RYR3: variants seen among roughly 807,000 people sequenced by gnomAD.
The protein encoded by RYR3 is ryanodine receptor 3.
Under a neutral mutation model 584.3 loss-of-function variants are expected in RYR3, and 207 were observed. The ratio of observed to expected loss-of-function variants is 0.35; its 90% CI spans 0.32 to 0.40. The LOEUF is 0.40. RYR3 is among the 10% of genes least tolerant of loss of function. The pLI, the probability that RYR3 is intolerant of heterozygous loss-of-function variation, is 1.00. For synonymous variants in RYR3, 2,416 were observed against 2,248.5 expected (o/e 1.07, Z -2.11); for missense variants, 5,616 against 6,089.2 (o/e 0.92, Z 2.59).
chr15:33,847,536 T>G (rs1367991162), intron 93 of RYR3: 4 of 152,230 alleles, frequency 2.6e-5, no homozygotes, highest in Non-Finnish European at 5.9e-5. Context: ...TCTGGCCTCA[T>G]TAACTGTCCC....
chr15:33,585,726 A>C (rs2058814758), intron 15 of RYR3, among the ~76,000 whole-genome samples: 1 of 152,222 alleles, frequency 6.6e-6, no homozygotes, highest in African/African-American at 2.4e-5. Context: ...GTATTTTGAC[A>C]CACAAAGATC....
At chr15:33,349,737 CT>C (rs1414890566) in intron 1 of RYR3, among the ~76,000 whole-genome samples, 27 of 102,558 alleles carry the variant, frequency 2.6e-4, no homozygotes, top group African/African-American at 8.5e-4. Flanking sequence ...AATGCTATCC[CT>C]CCCCCCTCCC....
At chr15:33,715,127 C>A (rs190680067) in intron 43 of RYR3, among the ~76,000 whole-genome samples, 64 of 152,310 alleles carry the variant, frequency 4.2e-4, no homozygotes, top group African/African-American at 1.5e-3. Context: ...GGGAGACATA[C>A]ATCTTTTAGG....
chr15:33,435,446 T>G (rs1170513663), intron 1 of RYR3, among the ~76,000 whole-genome samples: 1 of 152,234 alleles, frequency 6.6e-6, no homozygotes, highest in East Asian at 1.9e-4. Flanking sequence ...GTGTATAGTT[T>G]GGGGCTCTGG....
rs1210811707 is a variant in RYR3, at chr15:33,696,199, C to G, written c.5861-19C>G. 1 of 1,608,656 alleles carries G rather than the reference C, an allele frequency of 6.2e-7. No individual in the cohort carries two copies. Among genetic ancestry groups the G allele is most frequent in the South Asian group, 1.1e-5 (1 of 90,406 alleles). The stretch of plus-strand genomic sequence containing the variant: ...AGCCATGACAGCCACAGTCCTGCTC[C>G]CTCCTGTTGTCCTTCCAGCAACATT... On this transcript the variant is annotated intron_variant, in intron 38 of 103. Coordinates refer to ENST00000634891, the MANE Select transcript of RYR3 (RefSeq NM_001036.6).
intron 69 of RYR3, among the ~76,000 whole-genome samples, chr15:33,803,525 T>A (rs1255722849): frequency 6.6e-6 from 1 of 152,162 alleles, no homozygotes; most frequent in African/African-American, 2.4e-5. Flanking sequence ...TCTTTTTTTT[T>A]TAATTTTTTG....
chr15:33,740,287 A>G (rs1252808905), intron 51 of RYR3, among the ~76,000 whole-genome samples: 2 of 152,178 alleles, frequency 1.3e-5, no homozygotes, highest in Non-Finnish European at 2.9e-5. Context: ...ACCCTGACAA[A>G]TTATGCAATT....
chr15:33,689,976 G>C (rs779572640), intron 38 of RYR3, among the ~76,000 whole-genome samples: 1 of 152,184 alleles, frequency 6.6e-6, no homozygotes, highest in Non-Finnish European at 1.5e-5. Context: ...AGCTAACTTA[G>C]AGGTGGCACG....
At position 33,696,358 on chromosome 15, in the gene RYR3, C is replaced by T. The variant is rs773150418; in HGVS notation, c.6001C>T (p.Arg2001Trp). Residue 2001 changes from arginine to tryptophan, a missense_variant, in exon 39 of 104, where the codon CGG becomes TGG. This residue lies in a region of RYR3 where 1,280 missense variants were observed against 1,426.2 expected (regional missense o/e 0.90). Coordinates refer to ENST00000634891, the MANE Select transcript of RYR3 (RefSeq NM_001036.6). ...CATTGGGGAGCTGCTGCAGGCGCTG[C>T]GGAAGACCTACACCATCAGCCACAC... ...DSIGELLQAL[R>W]KTYTISHTSV... 1.6e-5 allele frequency: 26 copies of T among 1,613,334 alleles called. No homozygotes were observed. The highest frequency in any genetic ancestry group is 3.3e-4 in the Middle Eastern group (2 of 6,082).
chr15:33,441,396 G>C lies in RYR3; in HGVS notation c.52-32023G>C, dbSNP rs533132368. ...TAGCACATATAATTTTCCAGGAATTGTTCTGAGTTCTTTAAATATATTAGA... is the reference window on the plus strand; with the variant it reads ...TAGCACATATAATTTTCCAGGAATTCTTCTGAGTTCTTTAAATATATTAGA... On this transcript the variant is annotated intron_variant, in intron 1 of 103. Coordinates refer to ENST00000634891, the MANE Select transcript of RYR3 (RefSeq NM_001036.6). Among the ~76,000 whole-genome samples the C allele has an allele frequency of 7.2e-5, 11 of 152,236 alleles. No individual in the cohort carries two copies. In the South Asian group the frequency reaches 1.5e-3, roughly 20 times the overall value.
intron 60 of RYR3, among the ~76,000 whole-genome samples, chr15:33,762,090 G>A (rs1260424394): frequency 6.6e-6 from 1 of 152,080 alleles, no homozygotes; most frequent in African/African-American, 2.4e-5. Context: ...AATAAACTAG[G>A]TGTTGATGGA....
At chr15:33,558,066 G>GT (rs1028295291) in intron 10 of RYR3, among the ~76,000 whole-genome samples, 8 of 151,822 alleles carry the variant, frequency 5.3e-5, no homozygotes, top group Admixed American at 3.9e-4. Context: ...AGAAATCCCA[G>GT]TTTTTTTTCT....
intron 96 of RYR3, 137 bp from the exon 97 acceptor site, chr15:33,854,252 G>T: frequency 1.5e-6 from 1 of 675,022 alleles, no homozygotes; most frequent in Non-Finnish European, 2.6e-6. Flanking sequence ...CTCATGGGGA[G>T]CACATACAAC....
At chr15:33,788,955 G>T (rs893261898) in intron 67 of RYR3, among the ~76,000 whole-genome samples, 6 of 152,204 alleles carry the variant, frequency 3.9e-5, no homozygotes, top group African/African-American at 1.4e-4. Context: ...GGAATTAGGA[G>T]GGTCAGGGTG....
rs906069920 is a variant in RYR3 at position 33,853,169 on chromosome 15, G to A, written c.13671+82G>A. 4.3e-6 allele frequency: 5 copies of A among 1,155,816 alleles called. No individual in the cohort carries two copies. In the African/African-American group the frequency reaches 7.8e-5, roughly 18 times the overall value. The allele number at this position is 1,155,816 out of a possible 1,614,324, so 71.6% of individuals were successfully genotyped here. On this transcript the variant is annotated intron_variant, in intron 95 of 103. Transcript: ENST00000634891. ...TTTTAAGTTCTCCACATACAAACAT[G>A]AGTAAATGTGATGCTACTTTTATGA...
At chr15:33,579,809 GCT>G (rs2058499651) in intron 12 of RYR3, among the ~76,000 whole-genome samples, 165 bp from the exon 13 acceptor site, 1 of 152,164 alleles carries the variant, frequency 6.6e-6, no homozygotes, top group African/African-American at 2.4e-5. Context: ...TCCTTCTGTT[GCT>G]CTGATATCTG....
chr15:33,535,504 G>T (rs1490428991), intron 5 of RYR3, among the ~76,000 whole-genome samples: 1 of 152,180 alleles, frequency 6.6e-6, no homozygotes, highest in Non-Finnish European at 1.5e-5. Flanking sequence ...CTAAGGTGTT[G>T]TCGACCTTGC....
At position 33,780,280 on chromosome 15, in the gene RYR3, C is replaced by T; in HGVS notation, c.9207C>T (p.Pro3069=). The change falls in exon 65 of 104, where the codon CCC becomes CCT. Residue 3069 remains proline (P), a synonymous_variant. Coordinates refer to ENST00000634891, the MANE Select transcript of RYR3 (RefSeq NM_001036.6). ...AAAIPVAFLE[P]TLNRYNPLSV... ...CCATACCAGTGGCATTCCTGGAGCCCACCCTTAATCGCTACAATCCACTCT... is the reference window on the plus strand; with the variant it reads ...CCATACCAGTGGCATTCCTGGAGCCTACCCTTAATCGCTACAATCCACTCT... 1 of 1,613,888 alleles carries T rather than the reference C, an allele frequency of 6.2e-7. No individual in the cohort carries two copies. Among genetic ancestry groups the T allele is most frequent in the South Asian group, 1.1e-5 (1 of 91,066 alleles).
chr15:33,859,695 T>C lies in RYR3; in HGVS notation c.14263T>C (p.Phe4755Leu), dbSNP rs1369087960. ...CATTGTCTTTGACATTACCTTTTTC[T>C]TCTTCGTCATTGTCATCTTGCTGGC... Reference protein sequence around the residue: ...YRIVFDITFFFFVIVILLAII... With the variant: ...YRIVFDITFFLFVIVILLAII... Residue 4755 changes from phenylalanine to leucine, a missense_variant, in exon 100 of 104, where the codon TTC (phenylalanine) becomes CTC (leucine). By Grantham distance (22) the Phe-to-Leu change is conservative (BLOSUM62 0). Around this residue, in one of 9 missense-constraint regions of RYR3, gnomAD observed 918 missense variants for 887.4 expected, o/e 1.03. Coordinates refer to ENST00000634891, the MANE Select transcript of RYR3 (RefSeq NM_001036.6). 1 of 1,612,774 alleles carries C rather than the reference T, an allele frequency of 6.2e-7. No homozygotes were observed. The highest frequency in any genetic ancestry group is 8.5e-7 in the Non-Finnish European group (1 of 1,179,246).
Sources: allele counts gnomAD v4.1 joint callset (sites outside exome capture counted in the v4.1 genomes callset), GRCh38; gene constraint gnomAD v4.1.1; regional missense constraint gnomAD v4.1.1; transcripts MANE v1.5; gene names NCBI Gene and HGNC (gene_info 2026-07-23, HGNC 2026-07-21).